Variants in NLGN1 observed in about 807,000 individuals in gnomAD.
The protein encoded by NLGN1 is neuroligin-1.
In NLGN1, 12 loss-of-function variants were observed where a neutral mutation model predicts 65.5. That is an observed-to-expected ratio of 0.18 (90% CI 0.12 to 0.30). The LOEUF is 0.30. Ranked by LOEUF, NLGN1 falls within the 10% of genes least tolerant of loss-of-function variation. The pLI is 1.00. For missense variants in NLGN1, 750 were observed against 1,007.1 expected (o/e 0.74, Z 3.46); for synonymous variants, 350 against 359.5 (o/e 0.97, Z 0.30).
chr3:173,790,487 G>T (rs935388078), intron 3 of NLGN1, among the ~76,000 whole-genome samples: 1 of 152,056 alleles, frequency 6.6e-6, no homozygotes, highest in African/African-American at 2.4e-5. Flanking sequence ...GGTATTTCAC[G>T]TTTAGAATAT....
intron 4 of NLGN1, among the ~76,000 whole-genome samples, chr3:174,061,039 T>C (rs1476618511): frequency 5.9e-5 from 9 of 152,124 alleles, no homozygotes; most frequent in Admixed American, 5.9e-4. Context: ...ATACGGTTAT[T>C]TTGCCTATTA....
At position 173,648,582 on chromosome 3, in the gene NLGN1, T is replaced by TC. The variant is rs1200823296; in HGVS notation, c.493+43492dup. On this transcript the variant is annotated intron_variant, in intron 3 of 6. Transcript: ENST00000457714. ...TTCTTCTTTTTCTTTTTTCTTTCTT[T>TC]CTTTTTTTTTTAGACAAAGTCTCAC... Among the ~76,000 whole-genome samples the TC allele has an allele frequency of 9.2e-5, 14 of 152,186 alleles. No homozygotes were observed. The South Asian group carries it at 2.1e-3, about 23-fold the overall frequency.
At chr3:173,844,621 G>T (rs775608566) in intron 4 of NLGN1, among the ~76,000 whole-genome samples, 3 of 152,080 alleles carry the variant, frequency 2.0e-5, no homozygotes, top group Non-Finnish European at 2.9e-5. Context: ...AATTCATCTG[G>T]TTTCATCTCC....
intron 4 of NLGN1, among the ~76,000 whole-genome samples, chr3:173,953,757 T>C (rs1748671243): frequency 6.6e-6 from 1 of 152,102 alleles, no homozygotes; most frequent in Non-Finnish European, 1.5e-5. Flanking sequence ...TTGTCCAGGC[T>C]GGTCTTGAAC....
intron 4 of NLGN1, among the ~76,000 whole-genome samples, chr3:173,891,513 T>A (rs1428655903): frequency 6.6e-6 from 1 of 152,178 alleles, no homozygotes; most frequent in Non-Finnish European, 1.5e-5. Context: ...CTACCTCCCT[T>A]CCCTTTTTGC....
rs373821375 is a variant in NLGN1, at chr3:173,984,822, T to A, written c.646+176990T>A. Among the ~76,000 whole-genome samples, 11 of 152,246 alleles carry A rather than the reference T, an allele frequency of 7.2e-5. No individual in the cohort carries two copies. In the South Asian group the frequency reaches 2.3e-3, roughly 32 times the overall value. On this transcript the variant is annotated intron_variant, in intron 4 of 6. Coordinates refer to ENST00000457714, the Ensembl canonical transcript of NLGN1. ...ACTTTGGGAGGCTGAGGCAGGTGGATCACAACGTCAGGAGTTCGAGACCAG... is the reference window on the plus strand; with the variant it reads ...ACTTTGGGAGGCTGAGGCAGGTGGAACACAACGTCAGGAGTTCGAGACCAG...
In NLGN1 at chr3:174,155,179, AT is replaced by A. The variant is rs904076077; in HGVS notation, c.647-120128del. On this transcript the variant is annotated intron_variant, in intron 4 of 6. Transcript: ENST00000457714. ...TTTAACATCAAATAGCATAACTTGC[AT>A]TTTTTTTATTAAAAATACTTGCCCT... Among the ~76,000 whole-genome samples, 6 of 150,284 alleles carry A rather than the reference AT, an allele frequency of 4.0e-5. No individual in the cohort carries two copies. In the East Asian group the frequency reaches 9.7e-4, roughly 24 times the overall value.
chr3:174,115,935 A>C (rs2152630538), intron 4 of NLGN1, among the ~76,000 whole-genome samples: 1 of 152,284 alleles, frequency 6.6e-6, no homozygotes. Flanking sequence ...AGGGCATCCC[A>C]AAATATATTC....
chr3:174,125,399 G>A (rs900902294), intron 4 of NLGN1, among the ~76,000 whole-genome samples: 31 of 152,084 alleles, frequency 2.0e-4, no homozygotes, highest in African/African-American at 7.2e-4. Context: ...ATGAGCACAA[G>A]GAGGTGAAGA....
intron 4 of NLGN1, among the ~76,000 whole-genome samples, chr3:174,036,209 C>G (rs952244181): frequency 1.3e-5 from 2 of 152,134 alleles, no homozygotes; most frequent in Non-Finnish European, 2.9e-5. Flanking sequence ...ATCAATGTTA[C>G]AGTCCTCACA....
At chr3:173,857,048 A>C (rs921158257) in intron 4 of NLGN1, among the ~76,000 whole-genome samples, 1 of 152,016 alleles carries the variant, frequency 6.6e-6, no homozygotes, top group Admixed American at 6.6e-5. Flanking sequence ...GCATGAATAA[A>C]ATTAAGAAAC....
intron 1 of NLGN1, among the ~76,000 whole-genome samples, chr3:173,412,172 G>A (rs1417472200): frequency 6.6e-6 from 1 of 152,146 alleles, no homozygotes; most frequent in Non-Finnish European, 1.5e-5. Context: ...AATACTATTA[G>A]CAAGTTTGCA....
intron 4 of NLGN1, among the ~76,000 whole-genome samples, chr3:174,261,027 C>T (rs1190058268): frequency 6.6e-6 from 1 of 152,062 alleles, no homozygotes; most frequent in Non-Finnish European, 1.5e-5. Context: ...GGGCTCTGTT[C>T]TGTTCCATTG....
chr3:173,648,838 G>A (rs1187569513), intron 3 of NLGN1, among the ~76,000 whole-genome samples: 12 of 152,104 alleles, frequency 7.9e-5, no homozygotes, highest in African/African-American at 2.7e-4. Flanking sequence ...GCATCCCAAA[G>A]TGCTGGGATT....
chr3:173,959,840 G>T (rs1346906408), intron 4 of NLGN1, among the ~76,000 whole-genome samples: 1 of 151,934 alleles, frequency 6.6e-6, no homozygotes, highest in African/African-American at 2.4e-5. Flanking sequence ...GTAAATATTG[G>T]TTTTTGGAAA....
intron 4 of NLGN1, among the ~76,000 whole-genome samples, chr3:173,937,429 T>G (rs1745259504): frequency 7.2e-5 from 11 of 152,050 alleles, no homozygotes; most frequent in Admixed American, 7.2e-4. Flanking sequence ...AATTGGGAGA[T>G]TAGATTTATC....
chr3:173,591,037 A>AT (rs200764778), intron 2 of NLGN1, among the ~76,000 whole-genome samples: 1,576 of 152,278 alleles, frequency 0.01, 13 homozygotes, highest in African/African-American at 0.023. Context: ...CAATAAGACA[A>AT]TAAGATTTAA....
intron 3 of NLGN1, among the ~76,000 whole-genome samples, chr3:173,662,376 T>C (rs1166299136): frequency 6.6e-6 from 1 of 152,030 alleles, no homozygotes; most frequent in Non-Finnish European, 1.5e-5. Flanking sequence ...CTTAGTTTTC[T>C]CACCTAAGAA....
chr3:173,929,447 C>A (rs148670246), intron 4 of NLGN1, among the ~76,000 whole-genome samples: 56 of 152,170 alleles, frequency 3.7e-4, no homozygotes, highest in African/African-American at 1.3e-3. Context: ...TTTGCCCACA[C>A]AATATCTGAA....
Sources: allele counts gnomAD v4.1 joint callset (sites outside exome capture counted in the v4.1 genomes callset), GRCh38; gene constraint gnomAD v4.1.1; transcripts MANE v1.5; gene names NCBI Gene and HGNC (gene_info 2026-07-23, HGNC 2026-07-21).